Variants in NUP107 observed in about 807,000 individuals in gnomAD.
NUP107 encodes nucleoporin 107, also known as nuclear pore complex protein Nup107.
NUP107 carries 101 observed loss-of-function variants against 141.0 expected under a neutral mutation model. The observed-to-expected ratio is 0.72, with a 90% CI of 0.61 to 0.84. The LOEUF (loss-of-function observed/expected upper bound fraction) is 0.84. Among genes scored for constraint, NUP107 ranks in the 40% least tolerant of loss-of-function variants. The pLI, the probability that NUP107 is intolerant of heterozygous loss-of-function variation, is 0.00. For missense variants in NUP107, 941 were observed against 1,102.7 expected, an observed-to-expected ratio of 0.85 and a Z score of 2.08; for synonymous variants, 319 against 363.9, an observed-to-expected ratio of 0.88 and a Z score of 1.41.
chr12:68,704,735 G>C (rs1192326316), intron 8 of NUP107, among the ~76,000 whole-genome samples: 2 of 151,990 alleles, frequency 1.3e-5, no homozygotes, highest in African/African-American at 2.4e-5. Flanking sequence ...GATTACAGAC[G>C]TGAGCCACCG....
intron 2 of NUP107, 90 bp from the exon 3 acceptor site, chr12:68,689,443 T>C: frequency 1.3e-6 from 1 of 747,076 alleles, no homozygotes; most frequent in Non-Finnish European, 2.2e-6. Context: ...GAAAAATGTA[T>C]TCACATAATT....
Position 68,713,718 on chromosome 12 carries a change from T to A in NUP107, c.891-12T>A. On this transcript the variant is annotated splice_polypyrimidine_tract_variant and intron_variant, in intron 10 of 27. Transcript: ENST00000229179. Reference sequence around the variant, plus strand: ...ACCTCTTAAAAAATTTGGTACTTATTATTTCTTTCAGGGAAAATACTCTGC... The same window carrying A: ...ACCTCTTAAAAAATTTGGTACTTATAATTTCTTTCAGGGAAAATACTCTGC... 1 of 1,585,052 alleles carries A rather than the reference T, an allele frequency of 6.3e-7. No individual in the cohort carries two copies. The highest frequency in any genetic ancestry group is 8.6e-7 in the Non-Finnish European group (1 of 1,169,078).
At position 68,705,959 on chromosome 12, in the gene NUP107, T is replaced by C. The variant is rs549509521; in HGVS notation, c.729+3175T>C. The C allele has an allele frequency of 1.1e-4, 97 of 902,268 alleles. No individual in the cohort carries two copies. The East Asian group carries it at 2.3e-3, about 21-fold the overall frequency. The allele number at this position is 902,268 out of a possible 1,614,324, so 55.9% of individuals were successfully genotyped here. On this transcript the variant is annotated intron_variant, in intron 8 of 27. Coordinates refer to ENST00000229179, the MANE Select transcript of NUP107 (RefSeq NM_020401.4). ...AAGTTTGCCTCCTTCATTGACAAGG[T>C]ACAGTTCCTGCAGCAGCAGAACAAG...
chr12:68,716,448 C>T lies in NUP107; in HGVS notation c.1083+708C>T, dbSNP rs183741439. ...GTCTTACTATGTTGTCCAGGCTGAT[C>T]GTGAACACCTGGGCTCAAGTGATCT... On this transcript the variant is annotated intron_variant, in intron 12 of 27. Coordinates refer to ENST00000229179, the MANE Select transcript of NUP107 (RefSeq NM_020401.4). Among the ~76,000 whole-genome samples, 300 of 151,776 alleles carry T rather than the reference C, an allele frequency of 2.0e-3. 2 individuals are homozygous for T. Among genetic ancestry groups the T allele is most frequent in the Admixed American group, 6.3e-3 (96 of 15,214 alleles).
chr12:68,700,156 G>A (rs1479189487), intron 6 of NUP107, among the ~76,000 whole-genome samples: 2 of 151,968 alleles, frequency 1.3e-5, no homozygotes, highest in Admixed American at 6.6e-5. Context: ...CACCTGTCTC[G>A]GCCTCCCAAA....
intron 24 of NUP107, among the ~76,000 whole-genome samples, 162 bp from the exon 25 acceptor site, chr12:68,734,546 C>T (rs1877981751): frequency 2.0e-5 from 3 of 152,162 alleles, no homozygotes; most frequent in South Asian, 2.1e-4. Context: ...AACATTTATT[C>T]ATGATATGAA....
chr12:68,708,022 CA>C (rs1474570578), intron 8 of NUP107, among the ~76,000 whole-genome samples: 1 of 151,840 alleles, frequency 6.6e-6, no homozygotes, highest in Non-Finnish European at 1.5e-5. Context: ...GCCCAGGAGG[CA>C]GAGGTTGCAA....
Position 68,731,192 on chromosome 12 carries a change from C to G in NUP107, c.1817C>G (p.Ala606Gly), listed in dbSNP as rs1877807902. Reference sequence around the variant, plus strand: ...CAAGACCTAGCTGTTGCCCAGTATGCATTATTTTTGGAAAGTGTTACAGAA... The same window carrying G: ...CAAGACCTAGCTGTTGCCCAGTATGGATTATTTTTGGAAAGTGTTACAGAA... ...LPQDLAVAQY[A>G]LFLESVTEFE... Residue 606 changes from alanine to glycine, a missense_variant, in exon 21 of 28, where the codon GCA (alanine) becomes GGA (glycine). Physicochemically the swap from Ala to Gly is moderately conservative, Grantham distance 60 (BLOSUM62 0). Coordinates refer to ENST00000229179, the MANE Select transcript of NUP107 (RefSeq NM_020401.4). 3.7e-6 allele frequency: 6 copies of G among 1,612,266 alleles called. No homozygotes were observed. Among genetic ancestry groups the G allele is most frequent in the Middle Eastern group, 3.3e-4 (2 of 6,050 alleles).
chr12:68,732,851 T>TA, intron 23 of NUP107, 112 bp downstream of exon 23: 1 of 610,612 alleles, frequency 1.6e-6, no homozygotes, highest in Non-Finnish European at 2.7e-6. Flanking sequence ...ACCTAATTTT[T>TA]AAAAAATTTT....
chr12:68,727,699 A>G (rs1877624481), intron 20 of NUP107, among the ~76,000 whole-genome samples: 1 of 152,310 alleles, frequency 6.6e-6, no homozygotes, highest in African/African-American at 2.4e-5. Context: ...TACATGTATC[A>G]TATGCAGTCA....
At chr12:68,689,323 T>A (rs1730954926) in intron 2 of NUP107, among the ~76,000 whole-genome samples, 1 of 152,248 alleles carries the variant, frequency 6.6e-6, no homozygotes, top group Admixed American at 6.5e-5. Flanking sequence ...TAAAAACATT[T>A]AGTTCAGTGT....
intron 7 of NUP107, among the ~76,000 whole-genome samples, chr12:68,701,965 A>T (rs971378199): frequency 1.3e-5 from 2 of 151,794 alleles, no homozygotes; most frequent in East Asian, 2.0e-4. Context: ...GCTGGCCACC[A>T]TGCCTAGCTA....
chr12:68,734,480 A>C (rs2136047886), intron 24 of NUP107, among the ~76,000 whole-genome samples: 1 of 152,354 alleles, frequency 6.6e-6, no homozygotes, highest in African/African-American at 2.4e-5. Flanking sequence ...CAGGGTGCTC[A>C]GATTGGAGAA....
chr12:68,733,634 C>G (rs1246003903), intron 24 of NUP107, 22 bp downstream of exon 24: 4 of 1,590,184 alleles, frequency 2.5e-6, no homozygotes, highest in Non-Finnish European at 8.6e-7. Flanking sequence ...AAGAAAGCCA[C>G]AGATGTGCCT....
At chr12:68,741,582 T>C (rs557784796) in intron 26 of NUP107, among the ~76,000 whole-genome samples, 2 of 152,340 alleles carry the variant, frequency 1.3e-5, no homozygotes, top group African/African-American at 4.8e-5. Context: ...CTCATTCTTT[T>C]TATGCATGTT....
chr12:68,705,631 AC>A, intron 8 of NUP107: 1 of 527,836 alleles, frequency 1.9e-6, no homozygotes, highest in Non-Finnish European at 3.6e-6. Flanking sequence ...TCCTGCCTCC[AC>A]CATGTCCATC....
intron 26 of NUP107, among the ~76,000 whole-genome samples, chr12:68,741,308 T>C (rs1465220079): frequency 6.6e-6 from 1 of 152,088 alleles, no homozygotes; most frequent in East Asian, 1.9e-4. Context: ...AATCTATAGG[T>C]TCTGTTTTTC....
chr12:68,689,503 A>C (rs781469989), intron 2 of NUP107, 30 bp from the exon 3 acceptor site: 10 of 1,288,848 alleles, frequency 7.8e-6, no homozygotes, highest in Non-Finnish European at 1.1e-5. Flanking sequence ...TCTTTTCTAC[A>C]TGGAAAACTT....
rs750755777 is a variant in NUP107 at position 68,731,208 on chromosome 12, T to G, written c.1833T>G (p.Ser611Arg). Reference sequence around the variant, plus strand: ...CCCAGTATGCATTATTTTTGGAAAGTGTTACAGAATTTGAACAGCGCCACC... The same window carrying G: ...CCCAGTATGCATTATTTTTGGAAAGGGTTACAGAATTTGAACAGCGCCACC... ...AVAQYALFLE[S>R]VTEFEQRHHC... Residue 611 changes from serine (S) to arginine (R), a missense_variant, in exon 21 of 28, where the codon AGT becomes AGG. By Grantham distance (110) the Ser-to-Arg change is moderately radical. Coordinates refer to ENST00000229179, the MANE Select transcript of NUP107 (RefSeq NM_020401.4). The G allele has an allele frequency of 6.2e-7, 1 of 1,612,716 alleles. No homozygotes were observed. Among genetic ancestry groups the G allele is most frequent in the Non-Finnish European group, 8.5e-7 (1 of 1,179,356 alleles).
Sources: allele counts gnomAD v4.1 joint callset (sites outside exome capture counted in the v4.1 genomes callset), GRCh38; gene constraint gnomAD v4.1.1; transcripts MANE v1.5; gene names NCBI Gene and HGNC (gene_info 2026-07-23, HGNC 2026-07-21).